Variants in PLET1 observed in about 807,000 individuals in gnomAD.
PLET1 encodes the protein placenta expressed transcript 1.
Under a neutral mutation model 18.5 loss-of-function variants are expected in PLET1, and 20 were observed. The ratio of observed to expected loss-of-function variants is 1.08; its 90% CI spans 0.76 to 1.57. PLET1 has a LOEUF of 1.57. Among genes scored for constraint, PLET1 ranks in the 40% most tolerant of loss-of-function variants. The pLI is 0.00. For missense variants in PLET1, 256 were observed against 246.4 expected, an observed-to-expected ratio of 1.04 and a Z score of -0.26; for synonymous variants, 93 against 93.8, an observed-to-expected ratio of 0.99 and a Z score of 0.05.
At chr11:112,252,544 T>C in intron 2 of PLET1, 135 bp from the exon 3 acceptor site, 1 of 732,544 alleles carries the variant, frequency 1.4e-6, no homozygotes, top group Non-Finnish European at 2.3e-6. Context: ...GAGCAGATCA[T>C]TAAATACTGG....
intron 2 of PLET1, among the ~76,000 whole-genome samples, chr11:112,254,769 TGTG>T: frequency 3.4e-4 from 1 of 2,980 alleles, no homozygotes; most frequent in African/African-American, 1.4e-3. Context: ...GTGTGCTGCG[TGTG>T]GTACGCATCG....
intron 2 of PLET1, 66 bp from the exon 3 acceptor site, chr11:112,252,475 A>C: frequency 2.2e-6 from 3 of 1,393,186 alleles, no homozygotes; most frequent in East Asian, 2.5e-5. Context: ...AGTTCAGCTC[A>C]CATTTCGGAC....
intron 1 of PLET1, among the ~76,000 whole-genome samples, chr11:112,256,652 A>G (rs1860227477): frequency 6.6e-6 from 1 of 152,228 alleles, no homozygotes; most frequent in Non-Finnish European, 1.5e-5. Flanking sequence ...CATGGGGAGT[A>G]CTGGATAAAT....
chr11:112,260,331 GA>G, intron 1 of PLET1, 74 bp downstream of exon 1: 2 of 1,333,952 alleles, frequency 1.5e-6, no homozygotes, highest in Non-Finnish European at 2.1e-6. Flanking sequence ...AGTAGCGATA[GA>G]GGGGTGTGTT....
intron 2 of PLET1, among the ~76,000 whole-genome samples, chr11:112,254,604 A>ATG (rs1465785758): frequency 9.4e-6 from 1 of 106,626 alleles, no homozygotes; most frequent in African/African-American, 3.7e-5. Flanking sequence ...TGCGTATGGC[A>ATG]TGTGTGTATG....
chr11:112,252,265 C>G, intron 3 of PLET1, 83 bp downstream of exon 3: 4 of 1,291,798 alleles, frequency 3.1e-6, no homozygotes, highest in Non-Finnish European at 4.4e-6. Flanking sequence ...AGAAGACCCT[C>G]TTTTCTAGGG....
chr11:112,260,571 T>A lies in PLET1; in HGVS notation c.19A>T (p.Met7Leu). Residue 7 changes from methionine to leucine, a missense_variant, in exon 1 of 4, where the codon ATG (methionine) becomes TTG (leucine). Coordinates refer to ENST00000338832, the MANE Select transcript of PLET1 (RefSeq NM_001145024.1). ...AACATCCCCAGTGGCTGCAGCAGCA[T>A]GTCATGGAAGACTGCCATGGTCTCA... MAVFHDMLLQPLGMFLC... is the reference protein window; with the variant it reads MAVFHDLLLQPLGMFLC... 1 of 1,551,384 alleles carries A rather than the reference T, an allele frequency of 6.4e-7. No homozygotes were observed. The highest frequency in any genetic ancestry group is 8.7e-7 in the Non-Finnish European group (1 of 1,146,896).
At chr11:112,253,878 A>G (rs1032344297) in intron 2 of PLET1, among the ~76,000 whole-genome samples, 4 of 152,238 alleles carry the variant, frequency 2.6e-5, no homozygotes, top group African/African-American at 9.6e-5. Flanking sequence ...CTTTCAGTAC[A>G]GAATGGAATC....
intron 2 of PLET1, among the ~76,000 whole-genome samples, chr11:112,252,614 A>G (rs1200451443): frequency 6.6e-6 from 1 of 152,146 alleles, no homozygotes; most frequent in Non-Finnish European, 1.5e-5. Context: ...AGCCTCTCCC[A>G]TTCCAACGCC....
At chr11:112,255,186 G>GGT (rs564051978) in intron 2 of PLET1, among the ~76,000 whole-genome samples, 1 of 151,102 alleles carries the variant, frequency 6.6e-6, no homozygotes, top group Non-Finnish European at 1.5e-5. Context: ...TGTGGTATGT[G>GGT]GTGTGTGTGT....
chr11:112,251,807 T>TG (rs1566827447), intron 3 of PLET1, among the ~76,000 whole-genome samples: 1 of 120,384 alleles, frequency 8.3e-6, no homozygotes, highest in African/African-American at 2.6e-5. Context: ...GGTGCGAAGC[T>TG]GGGGGCGACA....
chr11:112,258,649 C>T (rs1046931905), intron 1 of PLET1, among the ~76,000 whole-genome samples: 1 of 152,170 alleles, frequency 6.6e-6, no homozygotes, highest in African/African-American at 2.4e-5. Flanking sequence ...ATCTTAAATG[C>T]CAGAGGCTCG....
At chr11:112,253,722 T>C (rs1235109288) in intron 2 of PLET1, among the ~76,000 whole-genome samples, 3 of 152,172 alleles carry the variant, frequency 2.0e-5, no homozygotes, top group Non-Finnish European at 4.4e-5. Context: ...GTGGGCACAA[T>C]AGTCCCTCCT....
rs756792057 is a variant in PLET1, at chr11:112,248,276, A to G, written c.*523T>C. The stretch of plus-strand genomic sequence containing the variant: ...CGTTCCTGTTCTCTTGCCCTTCAAA[A>G]TCTACTGGTGTGGACAAATGGGAAG... On this transcript the variant is annotated 3_prime_UTR_variant, in exon 4 of 4. Transcript: ENST00000338832. Among the ~76,000 whole-genome samples the G allele has an allele frequency of 1.1e-4, 16 of 152,172 alleles. No homozygotes were observed. The highest frequency in any genetic ancestry group is 2.1e-4 in the South Asian group (1 of 4,832).
At position 112,260,394 on chromosome 11, in the gene PLET1, G is replaced by A. The variant is rs1160476793; in HGVS notation, c.184+12C>T. On this transcript the variant is annotated intron_variant, in intron 1 of 3. Coordinates refer to ENST00000338832, the MANE Select transcript of PLET1 (RefSeq NM_001145024.1). ...GGAACAAAGGACAGCAGAGAGCATG[G>A]CTTCTACTCACCAGAATAGACTGCA... 1 of 1,546,988 alleles carries A rather than the reference G, an allele frequency of 6.5e-7. No individual in the cohort carries two copies. Among genetic ancestry groups the A allele is most frequent in the Non-Finnish European group, 8.7e-7 (1 of 1,143,480 alleles).
chr11:112,253,114 T>C (rs754580969), intron 2 of PLET1, among the ~76,000 whole-genome samples: 4 of 152,258 alleles, frequency 2.6e-5, no homozygotes, highest in Non-Finnish European at 4.4e-5. Flanking sequence ...AGATTATCAA[T>C]TACCTAGGTA....
chr11:112,252,310 C>A, intron 3 of PLET1, 38 bp downstream of exon 3: 1 of 1,519,202 alleles, frequency 6.6e-7, no homozygotes, highest in Admixed American at 2.0e-5. Context: ...TGACTGAGTT[C>A]ATTGCAAGAC....
At chr11:112,259,405 G>A (rs531945659) in intron 1 of PLET1, among the ~76,000 whole-genome samples, 1 of 152,272 alleles carries the variant, frequency 6.6e-6, no homozygotes, top group South Asian at 2.1e-4. Flanking sequence ...AAACACCATA[G>A]GAAGTGTTAT....
At chr11:112,254,183 C>T (rs1180456729) in intron 2 of PLET1, among the ~76,000 whole-genome samples, 4 of 125,066 alleles carry the variant, frequency 3.2e-5, no homozygotes, top group Admixed American at 2.6e-4. Context: ...GGATGTTGAG[C>T]ATAAGTGGTG....
Sources: gnomAD v4.1 joint callset for allele counts (sites outside exome capture counted in the v4.1 genomes callset) on GRCh38, gnomAD v4.1.1 for gene constraint, MANE v1.5 for transcripts, NCBI Gene and HGNC (gene_info 2026-07-23, HGNC 2026-07-21) for gene names.